C12orf54: variants seen among roughly 807,000 people sequenced by gnomAD.
The protein encoded by C12orf54 is uncharacterized protein C12orf54.
Under a neutral mutation model 26.4 loss-of-function variants are expected in C12orf54, and 24 were observed. That is an observed-to-expected ratio of 0.91 (90% CI 0.66 to 1.28). The LOEUF is 1.28. C12orf54 is among the 50% of genes most tolerant of loss of function. The pLI, the probability that C12orf54 is intolerant of heterozygous loss-of-function variation, is 0.00. For missense variants in C12orf54, 154 were observed against 150.9 expected, an observed-to-expected ratio of 1.02 and a Z score of -0.11; for synonymous variants, 54 against 47.0, an observed-to-expected ratio of 1.15 and a Z score of -0.61.
At chr12:48,425,454 C>T in the C12orf54 span, among the ~76,000 whole-genome samples, 3 of 152,210 alleles carry the variant, frequency 2.0e-5, no homozygotes, top group South Asian at 2.1e-4. Flanking sequence ...AAATGTACCA[C>T]GTTTTCTTTA....
At chr12:48,423,708 CT>C in the C12orf54 span, among the ~76,000 whole-genome samples, 1 of 152,032 alleles carries the variant, frequency 6.6e-6, no homozygotes, top group Non-Finnish European at 1.5e-5. Context: ...ATATCTTGTA[CT>C]TTGTACCTTG....
the C12orf54 span, among the ~76,000 whole-genome samples, chr12:48,422,814 A>C: frequency 6.6e-6 from 1 of 152,154 alleles, no homozygotes. Context: ...TCATGATTTG[A>C]TAAGAAGATT....
chr12:48,472,939 A>G, the C12orf54 span: 296 of 1,614,186 alleles, frequency 1.8e-4, 1 homozygote, highest in African/African-American at 3.6e-3. Context: ...AACCTCATAC[A>G]TCTAAATTTA....
the C12orf54 span, among the ~76,000 whole-genome samples, chr12:48,441,564 G>A: frequency 6.6e-6 from 1 of 152,074 alleles, no homozygotes; most frequent in Non-Finnish European, 1.5e-5. Flanking sequence ...AATGACAGGG[G>A]TTGGGGGTGG....
the C12orf54 span, among the ~76,000 whole-genome samples, chr12:48,438,222 A>C: frequency 6.6e-6 from 1 of 152,218 alleles, no homozygotes; most frequent in Non-Finnish European, 1.5e-5. Flanking sequence ...CTTCAAGGAG[A>C]ACTACAAACC....
the C12orf54 span, chr12:48,473,061 G>A: frequency 8.1e-6 from 13 of 1,613,990 alleles, no homozygotes; most frequent in African/African-American, 1.5e-4. Context: ...CAACTACTGA[G>A]AAAAGATGTT....
chr12:48,474,144 A>T, the C12orf54 span, among the ~76,000 whole-genome samples: 1 of 152,254 alleles, frequency 6.6e-6, no homozygotes, highest in Non-Finnish European at 1.5e-5. Flanking sequence ...TTTACAAGAA[A>T]AAAAAACTGT....
At chr12:48,476,683 C>T in the C12orf54 span, among the ~76,000 whole-genome samples, 1 of 152,094 alleles carries the variant, frequency 6.6e-6, no homozygotes, top group Non-Finnish European at 1.5e-5. Context: ...ATCAATTCAA[C>T]AAGAAGAGCT....
chr12:48,449,463 C>T, the C12orf54 span, among the ~76,000 whole-genome samples: 14 of 152,288 alleles, frequency 9.2e-5, no homozygotes, highest in Middle Eastern at 6.8e-3. Flanking sequence ...AAACCCATCT[C>T]ATGAGAATTT....
chr12:48,461,202 T>A, the C12orf54 span, among the ~76,000 whole-genome samples: 21 of 151,696 alleles, frequency 1.4e-4, no homozygotes, highest in Admixed American at 3.9e-4. Context: ...GATAAAAGGG[T>A]CAATTCATAA....
chr12:48,484,557 T>C (rs982779592), intron 2 of C12orf54, among the ~76,000 whole-genome samples: 4 of 152,158 alleles, frequency 2.6e-5, no homozygotes, highest in African/African-American at 9.7e-5. Context: ...TTGAAAAAAC[T>C]TAACAGTTAC....
intron 2 of C12orf54, 72 bp downstream of exon 2, chr12:48,483,433 C>T: frequency 1.4e-6 from 2 of 1,441,534 alleles, no homozygotes; most frequent in Admixed American, 1.8e-5. Flanking sequence ...CCAGGGCCTC[C>T]TGTCTTCTAT....
intron 4 of C12orf54, among the ~76,000 whole-genome samples, 175 bp from the exon 5 acceptor site, chr12:48,488,749 G>A (rs569846254): frequency 8.5e-5 from 13 of 152,282 alleles, no homozygotes; most frequent in African/African-American, 3.1e-4. Flanking sequence ...GGTTTCTGTA[G>A]AGTGGAAGTC....
At chr12:48,466,342 G>A in the C12orf54 span, among the ~76,000 whole-genome samples, 21 of 152,150 alleles carry the variant, frequency 1.4e-4, no homozygotes, top group African/African-American at 4.6e-4. Flanking sequence ...TCTGGAGTTC[G>A]GGACGATCCT....
the C12orf54 span, chr12:48,417,298 A>G: frequency 6.6e-6 from 1 of 152,256 alleles, no homozygotes; most frequent in African/African-American, 2.4e-5. Flanking sequence ...AGACACCCCA[A>G]GAAGGATGAA....
chr12:48,448,224 A>G, the C12orf54 span, among the ~76,000 whole-genome samples: 1 of 152,208 alleles, frequency 6.6e-6, no homozygotes, highest in Non-Finnish European at 1.5e-5. Flanking sequence ...GAGCTAATCA[A>G]TATGTATTGT....
chr12:48,494,689 T>A, intron 7 of C12orf54, 109 bp from the exon 8 acceptor site: 2 of 1,211,660 alleles, frequency 1.7e-6, no homozygotes. Context: ...ATGCCCATTC[T>A]TGGGGGAGTG....
intron 2 of C12orf54, chr12:48,483,572 G>A: frequency 2.0e-6 from 1 of 510,636 alleles, no homozygotes; most frequent in East Asian, 3.3e-5. Context: ...TAGAAATCAG[G>A]CATCAATTGC....
the C12orf54 span, among the ~76,000 whole-genome samples, chr12:48,468,664 G>A: frequency 6.6e-6 from 1 of 151,868 alleles, no homozygotes; most frequent in Non-Finnish European, 1.5e-5. Context: ...TTTTATTTTA[G>A]ATACAGGGGA....
Sources: gnomAD v4.1 joint callset for allele counts (sites outside exome capture counted in the v4.1 genomes callset) on GRCh38, gnomAD v4.1.1 for gene constraint, MANE v1.5 for transcripts, NCBI Gene and HGNC (gene_info 2026-07-23, HGNC 2026-07-21) for gene names.